PTPRD: variants seen among roughly 807,000 people sequenced by gnomAD.
The protein encoded by PTPRD is protein tyrosine phosphatase receptor type D.
In PTPRD, 34 loss-of-function variants were observed where a neutral mutation model predicts 214.5. The observed-to-expected ratio is 0.16, with a 90% CI of 0.12 to 0.21. The LOEUF is 0.21. Ranked by LOEUF, PTPRD falls within the 10% of genes least tolerant of loss-of-function variation. The probability of loss-of-function intolerance (pLI) is 1.00; values close to 1 mark genes in which losing one functional copy is unlikely to be tolerated. For missense variants in PTPRD, 2,545 were observed against 2,398.7 expected (o/e 1.06, Z -1.27); for synonymous variants, 1,128 against 845.7 (o/e 1.33, Z -5.79).
chr9:9,646,377 G>T (rs1369466339), intron 7 of PTPRD, among the ~76,000 whole-genome samples: 2 of 151,102 alleles, frequency 1.3e-5, no homozygotes, highest in South Asian at 2.1e-4. Flanking sequence ...GCCCAGCACA[G>T]GTATGTTATT....
At chr9:9,553,577 T>C (rs1261916832) in intron 8 of PTPRD, among the ~76,000 whole-genome samples, 10 of 152,042 alleles carry the variant, frequency 6.6e-5, no homozygotes, top group Non-Finnish European at 1.3e-4. Flanking sequence ...TGTTTTGGTG[T>C]TTCTAAATGA....
chr9:9,345,677 C>G (rs908131510), intron 9 of PTPRD, among the ~76,000 whole-genome samples: 1 of 152,028 alleles, frequency 6.6e-6, no homozygotes, highest in Non-Finnish European at 1.5e-5. Context: ...GGCATATTAT[C>G]TAGATGCAAA....
chr9:10,284,151 T>G (rs138287359), intron 3 of PTPRD, among the ~76,000 whole-genome samples: 39 of 152,312 alleles, frequency 2.6e-4, no homozygotes, highest in African/African-American at 8.7e-4. Context: ...TGGAGTTAGG[T>G]GTCCTAGTCT....
At chr9:9,440,122 T>C (rs114359992) in intron 8 of PTPRD, among the ~76,000 whole-genome samples, 171 of 152,264 alleles carry the variant, frequency 1.1e-3, no homozygotes, top group African/African-American at 3.9e-3. Context: ...AAAATATCAT[T>C]ATATATAAGC....
Position 8,929,931 on chromosome 9 carries a change from G to GTA in PTPRD, c.-104+88764_-104+88765dup, listed in dbSNP as rs34804238. Among the ~76,000 whole-genome samples, 33 of 143,314 alleles carry GTA rather than the reference G, an allele frequency of 2.3e-4. 4 individuals carry two copies. The highest frequency in any genetic ancestry group is 8.5e-4 in the African/African-American group (33 of 38,866). The allele number at this position is 143,314 out of a possible 152,430, so 94.0% of individuals were successfully genotyped here. On this transcript the variant is annotated intron_variant, in intron 11 of 45. Coordinates refer to ENST00000381196, the MANE Select transcript of PTPRD (RefSeq NM_002839.4). ...TATATGTGTGTGTATATATATATGT[G>GTA]TATATATATATGTGTGTGTGTGTAT...
chr9:8,387,409 A>C (rs1160758700), intron 37 of PTPRD, among the ~76,000 whole-genome samples: 1 of 152,202 alleles, frequency 6.6e-6, no homozygotes, highest in Non-Finnish European at 1.5e-5. Flanking sequence ...GCAGAATTTC[A>C]TTTGGTTATT....
intron 2 of PTPRD, among the ~76,000 whole-genome samples, chr9:10,482,306 G>T (rs1376161783): frequency 1.3e-5 from 2 of 152,028 alleles, no homozygotes; most frequent in African/African-American, 4.8e-5. Flanking sequence ...GGGAGGTGGA[G>T]CTTACAGTGA....
intron 11 of PTPRD, among the ~76,000 whole-genome samples, chr9:9,017,994 G>A (rs1356834571): frequency 6.6e-6 from 1 of 151,966 alleles, no homozygotes; most frequent in Non-Finnish European, 1.5e-5. Context: ...TATTTACAAT[G>A]AAGTGCAAGT....
chr9:10,340,330 GC>G (rs1179002505), intron 3 of PTPRD, among the ~76,000 whole-genome samples: 1 of 151,906 alleles, frequency 6.6e-6, no homozygotes, highest in Non-Finnish European at 1.5e-5. Context: ...AATCTTTACA[GC>G]ATATACAGGG....
At chr9:10,344,243 A>G (rs756311556) in intron 2 of PTPRD, among the ~76,000 whole-genome samples, 1 of 152,016 alleles carries the variant, frequency 6.6e-6, no homozygotes, top group Non-Finnish European at 1.5e-5. Flanking sequence ...ATCTTTCTAC[A>G]TATGGCTAGC....
At chr9:9,039,366 G>T (rs193125782) in intron 10 of PTPRD, among the ~76,000 whole-genome samples, 147 of 152,270 alleles carry the variant, frequency 9.7e-4, no homozygotes, top group Admixed American at 1.8e-3. Context: ...TCCATCTGCA[G>T]ATCTAATTCT....
In PTPRD at chr9:9,194,925, T is replaced by A. The variant is rs528357624; in HGVS notation, c.-202-11562A>T. Among the ~76,000 whole-genome samples, 3 of 151,998 alleles carry A rather than the reference T, an allele frequency of 2.0e-5. 1 individual carries two copies. In the South Asian group the frequency reaches 6.2e-4, roughly 32 times the overall value. On this transcript the variant is annotated intron_variant, in intron 9 of 45. Coordinates refer to ENST00000381196, the MANE Select transcript of PTPRD (RefSeq NM_002839.4). ...GTCAGTGACACTTTTTTGTTTTAGT[T>A]ATTCCATTCTACTAAGTGAAGGAGT...
chr9:10,220,388 A>G (rs2099565380), intron 3 of PTPRD, among the ~76,000 whole-genome samples: 1 of 151,950 alleles, frequency 6.6e-6, no homozygotes, highest in African/African-American at 2.4e-5. Flanking sequence ...AGAACCAAAT[A>G]CTTTAAACTA....
At chr9:9,591,105 T>G (rs1414122706) in intron 7 of PTPRD, among the ~76,000 whole-genome samples, 1 of 151,984 alleles carries the variant, frequency 6.6e-6, no homozygotes, top group Non-Finnish European at 1.5e-5. Flanking sequence ...GACCTTAAAA[T>G]AGGAGGATTG....
intron 3 of PTPRD, among the ~76,000 whole-genome samples, chr9:10,236,589 A>G (rs1008106920): frequency 2.6e-5 from 4 of 151,916 alleles, no homozygotes; most frequent in Non-Finnish European, 5.9e-5. Context: ...TGAAAAATAT[A>G]CACAATATAT....
At chr9:8,366,065 G>C (rs1032065724) in intron 39 of PTPRD, among the ~76,000 whole-genome samples, 12 of 152,200 alleles carry the variant, frequency 7.9e-5, no homozygotes, top group African/African-American at 2.7e-4. Context: ...ACCAGAAACA[G>C]AAATACGGTT....
intron 9 of PTPRD, among the ~76,000 whole-genome samples, chr9:9,275,071 T>C (rs1349513535): frequency 8.2e-5 from 6 of 73,474 alleles, no homozygotes; most frequent in South Asian, 3.3e-4. Flanking sequence ...ATATATTATA[T>C]ATATATATAT....
At chr9:10,490,459 A>C (rs2039831317) in intron 2 of PTPRD, among the ~76,000 whole-genome samples, 1 of 152,168 alleles carries the variant, frequency 6.6e-6, no homozygotes. Flanking sequence ...TGCAGTAACC[A>C]TTCTATTACA....
At chr9:9,969,824 C>T (rs917619793) in intron 4 of PTPRD, among the ~76,000 whole-genome samples, 1 of 152,176 alleles carries the variant, frequency 6.6e-6, no homozygotes, top group Non-Finnish European at 1.5e-5. Flanking sequence ...AACATGTCTT[C>T]CCACCCAAGC....
Sources: gnomAD v4.1 joint callset for allele counts (sites outside exome capture counted in the v4.1 genomes callset) on GRCh38, gnomAD v4.1.1 for gene constraint, MANE v1.5 for transcripts, NCBI Gene and HGNC (gene_info 2026-07-23, HGNC 2026-07-21) for gene names.